The following MYO3B variants were observed in gnomAD, a reference collection of about 807,000 sequenced individuals.
The protein encoded by MYO3B is myosin IIIB.
A neutral mutation model predicts 174.6 loss-of-function variants in MYO3B; 156 were observed. That is an observed-to-expected ratio of 0.89 (90% CI 0.78 to 1.02). The LOEUF (loss-of-function observed/expected upper bound fraction) is 1.02, where lower values mean the gene tolerates loss of function less well. MYO3B is among the 50% of genes least tolerant of loss of function. The pLI is 0.00. For synonymous variants in MYO3B, 563 were observed against 569.1 expected (o/e 0.99, Z 0.15); for missense variants, 1,632 against 1,639.4 (o/e 1.00, Z 0.08).
In MYO3B at chr2:170,266,347, T is replaced by A. The variant is rs1267259595; in HGVS notation, c.749+30211T>A. The stretch of plus-strand genomic sequence containing the variant: ...CATTAATTTTTAAACTAGCTGTATG[T>A]CATTTCTTGGTGTGCTAAGTTAAAC... On this transcript the variant is annotated intron_variant, in intron 7 of 34. Transcript: ENST00000408978. Among the ~76,000 whole-genome samples, 3 of 152,220 alleles carry A rather than the reference T, an allele frequency of 2.0e-5. No individual in the cohort carries two copies. In the East Asian group the frequency reaches 5.8e-4, roughly 29 times the overall value.
At chr2:170,471,387 A>T (rs1575033479) in intron 25 of MYO3B, among the ~76,000 whole-genome samples, 1 of 152,118 alleles carries the variant, frequency 6.6e-6, no homozygotes, top group East Asian at 1.9e-4. Flanking sequence ...GAAGCACAAA[A>T]TTTTTTAATT....
chr2:170,354,181 G>A (rs4296400), intron 8 of MYO3B, among the ~76,000 whole-genome samples: 131,820 of 152,224 alleles, frequency 0.87, 57,612 homozygotes, highest in Non-Finnish European at 0.93. Context: ...CTGTTGAATT[G>A]GAAGAGATCC....
chr2:170,453,447 C>CG (rs1285525307), intron 23 of MYO3B, among the ~76,000 whole-genome samples: 32 of 125,090 alleles, frequency 2.6e-4, no homozygotes, highest in East Asian at 7.4e-4. Context: ...CACACACACA[C>CG]ACACACGAGA....
Position 170,377,034 on chromosome 2 carries a change from G to A in MYO3B, c.972-4982G>A, listed in dbSNP as rs376479887. On this transcript the variant is annotated intron_variant, in intron 9 of 34. Coordinates refer to ENST00000408978, the MANE Select transcript of MYO3B (RefSeq NM_138995.5). ...CAGCTCTGTTTGTACCTACCTACAT[G>A]GAAGCCTCCACTTCCATAGGCATAA... 9.9e-5 allele frequency among the ~76,000 whole-genome samples: 15 copies of A among 152,258 alleles called. No homozygotes were observed. The South Asian group carries it at 3.1e-3, about 32-fold the overall frequency.
intron 7 of MYO3B, among the ~76,000 whole-genome samples, chr2:170,305,757 T>C (rs1183558379): frequency 3.3e-5 from 5 of 152,148 alleles, no homozygotes; most frequent in Non-Finnish European, 7.4e-5. Flanking sequence ...AATAAATTTT[T>C]ATCTATTACT....
chr2:170,386,854 G>A (rs141894077), intron 13 of MYO3B, among the ~76,000 whole-genome samples: 1 of 152,338 alleles, frequency 6.6e-6, no homozygotes, highest in East Asian at 1.9e-4. Context: ...TGTTTTATCT[G>A]TCAAGGATTT....
At chr2:170,591,505 C>G (rs1402251358) in intron 32 of MYO3B, among the ~76,000 whole-genome samples, 1 of 152,086 alleles carries the variant, frequency 6.6e-6, no homozygotes, top group African/African-American at 2.4e-5. Context: ...AGGTTAGTGA[C>G]AGCAAAGGGT....
chr2:170,364,288 T>C, intron 8 of MYO3B, among the ~76,000 whole-genome samples: 1 of 47,356 alleles, frequency 2.1e-5, no homozygotes, highest in African/African-American at 3.7e-5. Context: ...GAATTAAACT[T>C]TTTTTTAACC....
At chr2:170,553,429 A>G (rs1477479344) in intron 32 of MYO3B, among the ~76,000 whole-genome samples, 1 of 152,136 alleles carries the variant, frequency 6.6e-6, no homozygotes, top group Non-Finnish European at 1.5e-5. Flanking sequence ...TTTAATGACT[A>G]CCCTGCTGGG....
At chr2:170,280,568 T>C (rs2093500543) in intron 7 of MYO3B, among the ~76,000 whole-genome samples, 1 of 151,602 alleles carries the variant, frequency 6.6e-6, no homozygotes, top group Admixed American at 6.6e-5. Flanking sequence ...GTGTCCAGGA[T>C]GGTGTTGCCT....
chr2:170,207,179 C>A (rs1057169658), intron 3 of MYO3B, among the ~76,000 whole-genome samples: 1 of 152,038 alleles, frequency 6.6e-6, no homozygotes, highest in African/African-American at 2.4e-5. Context: ...CACAGACACC[C>A]CCCTCCCAGA....
intron 8 of MYO3B, among the ~76,000 whole-genome samples, chr2:170,368,534 C>G (rs115587895): frequency 6.6e-6 from 1 of 152,140 alleles, no homozygotes; most frequent in Non-Finnish European, 1.5e-5. Flanking sequence ...GTAGTTATGC[C>G]GGTATGATTT....
intron 32 of MYO3B, among the ~76,000 whole-genome samples, chr2:170,562,783 C>G (rs1467849886): frequency 6.6e-6 from 1 of 152,086 alleles, no homozygotes; most frequent in Non-Finnish European, 1.5e-5. Flanking sequence ...AGTTTACATC[C>G]TTCCTTTATA....
At chr2:170,580,058 A>T (rs1463373757) in intron 32 of MYO3B, among the ~76,000 whole-genome samples, 1 of 152,224 alleles carries the variant, frequency 6.6e-6, no homozygotes, top group Non-Finnish European at 1.5e-5. Flanking sequence ...AGAGAAAAAA[A>T]TGGCATTATC....
chr2:170,650,944 T>C (rs888992565), intron 32 of MYO3B, among the ~76,000 whole-genome samples: 1 of 123,250 alleles, frequency 8.1e-6, no homozygotes, highest in Non-Finnish European at 1.8e-5. Flanking sequence ...AGCCTCCCAC[T>C]GCGCCCAGCC....
At position 170,206,046 on chromosome 2, in the gene MYO3B, T is replaced by A. The variant is rs1173839843; in HGVS notation, c.321+5762T>A. On this transcript the variant is annotated intron_variant, in intron 3 of 34. Coordinates refer to ENST00000408978, the MANE Select transcript of MYO3B (RefSeq NM_138995.5). This position sits in a 1 kb window ranked among gnomAD's most constrained non-coding sequence, Gnocchi z 4.3. ...CCCTGTCATTGGCCTTCCTCCTCCATCTCCCTGCCCCAGGATTCTGGCATC... is the reference window on the plus strand; with the variant it reads ...CCCTGTCATTGGCCTTCCTCCTCCAACTCCCTGCCCCAGGATTCTGGCATC... Among the ~76,000 whole-genome samples the A allele has an allele frequency of 6.6e-6, 1 of 152,078 alleles. No homozygotes were observed. The highest frequency in any genetic ancestry group is 1.9e-4 in the East Asian group (1 of 5,192).
chr2:170,562,202 C>G (rs1307371889), intron 32 of MYO3B, among the ~76,000 whole-genome samples: 1 of 152,170 alleles, frequency 6.6e-6, no homozygotes. Flanking sequence ...GCCACTGTTA[C>G]ATGCTCAGAT....
intron 30 of MYO3B, among the ~76,000 whole-genome samples, chr2:170,527,751 C>T (rs771181580): frequency 5.3e-5 from 8 of 152,160 alleles, no homozygotes; most frequent in Non-Finnish European, 8.8e-5. Context: ...TACCTCATGC[C>T]GCCATTGTGA....
intron 7 of MYO3B, among the ~76,000 whole-genome samples, chr2:170,315,881 C>G (rs2093772111): frequency 1.3e-5 from 2 of 152,220 alleles, no homozygotes; most frequent in African/African-American, 4.8e-5. Flanking sequence ...GCTCTCCTAG[C>G]CTTAGCTTAT....
Sources: allele counts gnomAD v4.1 joint callset (sites outside exome capture counted in the v4.1 genomes callset), GRCh38; gene constraint gnomAD v4.1.1; non-coding constraint Gnocchi (gnomAD v3.1); transcripts MANE v1.5; gene names NCBI Gene and HGNC (gene_info 2026-07-23, HGNC 2026-07-21).